Variants in PDE4D observed in about 807,000 individuals in gnomAD.
The protein encoded by PDE4D is 3',5'-cyclic-AMP phosphodiesterase 4D.
PDE4D carries 24 observed loss-of-function variants against 87.4 expected under a neutral mutation model. The ratio of observed to expected loss-of-function variants is 0.27; its 90% confidence interval spans 0.20 to 0.39. The LOEUF is 0.39. PDE4D is among the 10% of genes least tolerant of loss of function. The probability of loss-of-function intolerance (pLI) is 1.00; values close to 1 mark genes in which losing one functional copy is unlikely to be tolerated. For missense variants in PDE4D, 714 were observed against 1,041.0 expected (o/e 0.69, Z 4.32); for synonymous variants, 384 against 383.2 (o/e 1.00, Z -0.02).
chr5:59,103,615 C>G (rs900985386), intron 5 of PDE4D, among the ~76,000 whole-genome samples: 2 of 152,150 alleles, frequency 1.3e-5, no homozygotes, highest in Non-Finnish European at 1.5e-5. Flanking sequence ...TCCCAGGAAT[C>G]TTTATTGACT....
chr5:59,400,782 G>A (rs1790464760), intron 1 of PDE4D, among the ~76,000 whole-genome samples: 1 of 151,956 alleles, frequency 6.6e-6, no homozygotes, highest in South Asian at 2.1e-4. Context: ...TATGAGTTTA[G>A]CATTTACCAA....
At chr5:59,076,979 C>T (rs1356275950) in intron 5 of PDE4D, among the ~76,000 whole-genome samples, 8 of 152,228 alleles carry the variant, frequency 5.3e-5, no homozygotes, top group Middle Eastern at 6.8e-3. Context: ...ATGGATATAA[C>T]TTGTTATCTA....
chr5:59,148,760 T>G (rs1017419611), intron 5 of PDE4D, among the ~76,000 whole-genome samples: 3 of 144,178 alleles, frequency 2.1e-5, no homozygotes, highest in Non-Finnish European at 3.1e-5. Flanking sequence ...TAGCGGTGTG[T>G]GTGTGTGTGT....
chr5:59,956,892 G>A (rs1475602304), intron 3 of PDE4D, among the ~76,000 whole-genome samples: 1 of 151,978 alleles, frequency 6.6e-6, no homozygotes, highest in East Asian at 1.9e-4. Flanking sequence ...AAAAGAGTTT[G>A]AAAAAAATTG....
At chr5:59,008,818 T>A (rs1210863442) in intron 6 of PDE4D, among the ~76,000 whole-genome samples, 1 of 151,926 alleles carries the variant, frequency 6.6e-6, no homozygotes, top group African/African-American at 2.4e-5. Flanking sequence ...ATGTACAAAA[T>A]GCATATCAAA....
chr5:59,194,197 C>G (rs940646221), intron 2 of PDE4D, among the ~76,000 whole-genome samples: 1 of 152,136 alleles, frequency 6.6e-6, no homozygotes, highest in Non-Finnish European at 1.5e-5. Flanking sequence ...CAGGGAAGGG[C>G]AAGGAAAGTT....
intron 5 of PDE4D, among the ~76,000 whole-genome samples, chr5:59,167,398 G>A (rs1421880511): frequency 6.6e-6 from 1 of 152,162 alleles, no homozygotes; most frequent in African/African-American, 2.4e-5. Flanking sequence ...CACTGTCAGT[G>A]ACTTCAGAGG....
chr5:59,522,932 C>A (rs1263718895), intron 1 of PDE4D, among the ~76,000 whole-genome samples: 1 of 152,154 alleles, frequency 6.6e-6, no homozygotes, highest in Non-Finnish European at 1.5e-5. Flanking sequence ...TGAAAAGGAA[C>A]ATCTTGTATT....
intron 1 of PDE4D, among the ~76,000 whole-genome samples, chr5:60,444,057 G>A (rs1356586988): frequency 1.3e-5 from 2 of 150,424 alleles, no homozygotes; most frequent in African/African-American, 4.9e-5. Context: ...TGGTAGCTCA[G>A]GAAATAGGTC....
chr5:59,720,923 T>C (rs914162958), intron 1 of PDE4D, among the ~76,000 whole-genome samples: 1 of 152,156 alleles, frequency 6.6e-6, no homozygotes, highest in African/African-American at 2.4e-5. Flanking sequence ...ATCACTTGGG[T>C]TCTATACAAA....
At chr5:59,039,511 A>G (rs950613984) in intron 5 of PDE4D, 11 of 985,572 alleles carry the variant, frequency 1.1e-5, no homozygotes, top group Non-Finnish European at 1.3e-5. Flanking sequence ...CGCGGCCACC[A>G]CGTTTCCTGT....
intron 1 of PDE4D, among the ~76,000 whole-genome samples, chr5:60,459,430 G>T (rs1746748369): frequency 6.6e-6 from 1 of 152,004 alleles, no homozygotes; most frequent in Non-Finnish European, 1.5e-5. Flanking sequence ...ACAGATACAT[G>T]TTGGTAAATG....
intron 1 of PDE4D, among the ~76,000 whole-genome samples, chr5:60,383,280 T>C (rs1237871889): frequency 1.3e-5 from 2 of 152,170 alleles, no homozygotes; most frequent in African/African-American, 2.4e-5. Context: ...ACCATAAGTA[T>C]ACTCAAAAAA....
intron 2 of PDE4D, among the ~76,000 whole-genome samples, chr5:60,058,435 T>C (rs1055755118): frequency 2.6e-5 from 4 of 152,104 alleles, no homozygotes; most frequent in African/African-American, 4.8e-5. Context: ...CCATAAGGAT[T>C]ATTTATAAAT....
chr5:59,186,709 T>C (rs1177004823), intron 3 of PDE4D, among the ~76,000 whole-genome samples: 1 of 152,154 alleles, frequency 6.6e-6, no homozygotes, highest in African/African-American at 2.4e-5. Flanking sequence ...AATTTTCCCC[T>C]AAAGGAGTTA....
At chr5:59,533,020 C>T (rs923163034) in intron 1 of PDE4D, among the ~76,000 whole-genome samples, 3 of 152,184 alleles carry the variant, frequency 2.0e-5, no homozygotes, top group Non-Finnish European at 4.4e-5. Context: ...GCAAGTACTG[C>T]AGTGGTGCAG....
At chr5:59,873,425 C>G (rs1279904136) in intron 1 of PDE4D, among the ~76,000 whole-genome samples, 1 of 152,144 alleles carries the variant, frequency 6.6e-6, no homozygotes, top group Non-Finnish European at 1.5e-5. Context: ...TCACCAGATG[C>G]AGGAGTGGGA....
chr5:60,146,310 G>A (rs1268692265), intron 2 of PDE4D, among the ~76,000 whole-genome samples: 1 of 152,190 alleles, frequency 6.6e-6, no homozygotes, highest in Non-Finnish European at 1.5e-5. Flanking sequence ...AAATGTGCAT[G>A]GTTGATCTAT....
chr5:60,359,119 G>A (rs915226157), intron 1 of PDE4D, among the ~76,000 whole-genome samples: 1 of 152,156 alleles, frequency 6.6e-6, no homozygotes, highest in Non-Finnish European at 1.5e-5. Context: ...TTGTTATATT[G>A]TTATAGGCAG....
Sources: allele counts gnomAD v4.1 joint callset (sites outside exome capture counted in the v4.1 genomes callset), GRCh38; gene constraint gnomAD v4.1.1; transcripts MANE v1.5; gene names NCBI Gene and HGNC (gene_info 2026-07-23, HGNC 2026-07-21).